NEBL: variants seen among roughly 807,000 people sequenced by gnomAD.
NEBL encodes the protein nebulette.
Under a neutral mutation model 140.2 loss-of-function variants are expected in NEBL, and 122 were observed. The ratio of observed to expected loss-of-function variants is 0.87; its 90% CI spans 0.75 to 1.01. The LOEUF is 1.01. Ranked by LOEUF, NEBL falls within the 50% of genes least tolerant of loss-of-function variation. NEBL has a pLI of 0.00. For synonymous variants in NEBL, 436 were observed against 398.9 expected (o/e 1.09, Z -1.11); for missense variants, 1,365 against 1,231.3 (o/e 1.11, Z -1.62).
intron 2 of NEBL, among the ~76,000 whole-genome samples, chr10:21,133,421 G>A (rs1839207087): frequency 6.6e-6 from 1 of 152,212 alleles, no homozygotes; most frequent in Non-Finnish European, 1.5e-5. Context: ...TCCCCAATCA[G>A]TGTGGGGCAG....
At chr10:20,885,730 G>A (rs766310148) in intron 4 of NEBL, among the ~76,000 whole-genome samples, 53 of 152,034 alleles carry the variant, frequency 3.5e-4, no homozygotes, top group Non-Finnish European at 4.7e-4. Flanking sequence ...CTTTTCTTTC[G>A]TTATTGCTTA....
chr10:21,185,276 G>T (rs1483433497), intron 3 of NEBL, among the ~76,000 whole-genome samples: 2 of 152,102 alleles, frequency 1.3e-5, no homozygotes, highest in Non-Finnish European at 2.9e-5. Flanking sequence ...GAGTGAAAGG[G>T]CATGAAAAGG....
At chr10:20,926,486 C>T (rs1246686454) in intron 4 of NEBL, among the ~76,000 whole-genome samples, 1 of 152,188 alleles carries the variant, frequency 6.6e-6, no homozygotes, top group Non-Finnish European at 1.5e-5. Flanking sequence ...GATGCTCTGC[C>T]TATACCTATA....
At chr10:21,055,576 C>T (rs1027175555) in intron 2 of NEBL, among the ~76,000 whole-genome samples, 4 of 152,146 alleles carry the variant, frequency 2.6e-5, no homozygotes, top group Admixed American at 1.3e-4. Context: ...ACCAGCTATG[C>T]CACTTGGGGA....
intron 16 of NEBL, 82 bp downstream of exon 16, chr10:20,831,114 A>C: frequency 9.9e-7 from 1 of 1,008,920 alleles, no homozygotes; most frequent in Non-Finnish European, 1.6e-6. Context: ...CCTCAGAAAG[A>C]TATCATTCAT....
intron 4 of NEBL, among the ~76,000 whole-genome samples, chr10:20,911,991 T>C (rs1395220372): frequency 6.6e-6 from 1 of 152,194 alleles, no homozygotes; most frequent in Non-Finnish European, 1.5e-5. Context: ...TCATCGCAAA[T>C]GGGGAAATAA....
Position 20,787,250 on chromosome 10 carries a change from G to A in NEBL, c.2820C>T (p.His940=), listed in dbSNP as rs532565487. The A allele has an allele frequency of 2.5e-4, 411 of 1,613,500 alleles. 4 individuals carry two copies. In the South Asian group the frequency reaches 4.3e-3, roughly 17 times the overall value. Residue 940 remains histidine, a synonymous_variant, in exon 27 of 28, where the codon CAC becomes CAT. Transcript: ENST00000377122. ...ATCTCATGGATGACACACTGGTCTG[G>A]TGCATGTAGCCATAGCCTTGGGAAT... The part of the protein sequence containing the change: ...QSHSQGYGYM[H]QTSVSSMRSM...
intron 26 of NEBL, among the ~76,000 whole-genome samples, chr10:20,799,848 C>A (rs1195523018): frequency 6.6e-6 from 1 of 152,032 alleles, no homozygotes; most frequent in Non-Finnish European, 1.5e-5. Context: ...AAGTTTACAA[C>A]ATGATGGTAT....
intron 2 of NEBL, among the ~76,000 whole-genome samples, chr10:21,104,382 T>C (rs1257857419): frequency 1.3e-5 from 2 of 152,116 alleles, no homozygotes; most frequent in African/African-American, 4.8e-5. Context: ...TATCTCCCCA[T>C]TTCACTAGGC....
At chr10:21,257,882 C>T (rs910107814) in intron 1 of NEBL, among the ~76,000 whole-genome samples, 12 of 150,338 alleles carry the variant, frequency 8.0e-5, no homozygotes, top group African/African-American at 3.0e-4. Context: ...GAGACTCCAT[C>T]TCACACACAC....
Position 20,819,523 on chromosome 10 carries a change from G to A in NEBL, c.1963-7C>T. On this transcript the variant is annotated splice_polypyrimidine_tract_variant and splice_region_variant and intron_variant, in intron 19 of 27. Coordinates refer to ENST00000377122, the MANE Select transcript of NEBL (RefSeq NM_006393.3). ...TTTGCTCTTTATACTGGAGCTGAGA[G>A]ACAAGGTGCAAGACAGTTTGAGATT... The A allele has an allele frequency of 6.2e-7, 1 of 1,613,878 alleles. No homozygotes were observed.
At chr10:20,897,498 C>T (rs544494458), upstream of NEBL, 952 of 1,139,038 alleles carry the variant, frequency 8.4e-4, 1 homozygote, top group Middle Eastern at 8.3e-3. Context: ...GTTAAGAAAT[C>T]CAAAAGAAAA....
At chr10:21,017,452 C>A (rs941243672) in intron 3 of NEBL, among the ~76,000 whole-genome samples, 44 of 152,114 alleles carry the variant, frequency 2.9e-4, no homozygotes, top group Non-Finnish European at 4.9e-4. Context: ...TGCTGCTTGG[C>A]GATCCCACAG....
intron 2 of NEBL, among the ~76,000 whole-genome samples, chr10:21,067,883 G>T (rs1054218153): frequency 2.0e-5 from 3 of 152,166 alleles, no homozygotes; most frequent in Non-Finnish European, 2.9e-5. Context: ...GGAGGCTGAG[G>T]CAGGAGGATC....
At chr10:20,803,702 A>T (rs1469465909) in intron 26 of NEBL, among the ~76,000 whole-genome samples, 3 of 151,688 alleles carry the variant, frequency 2.0e-5, no homozygotes, top group Non-Finnish European at 4.4e-5. Context: ...CTTTTTATAG[A>T]GTCAATCAGC....
chr10:21,263,072 A>T (rs1842759352), intron 1 of NEBL, among the ~76,000 whole-genome samples: 1 of 152,220 alleles, frequency 6.6e-6, no homozygotes, highest in Non-Finnish European at 1.5e-5. Context: ...AGGTGCTGTT[A>T]TAGTGACAGT....
chr10:21,111,756 A>C (rs1385740179), intron 2 of NEBL, among the ~76,000 whole-genome samples: 2 of 151,416 alleles, frequency 1.3e-5, no homozygotes, highest in Non-Finnish European at 2.9e-5. Context: ...AATTAAACTA[A>C]AGATCTTCTG....
intron 2 of NEBL, among the ~76,000 whole-genome samples, chr10:21,142,523 A>G (rs1228039576): frequency 1.3e-5 from 2 of 152,212 alleles, no homozygotes; most frequent in Non-Finnish European, 2.9e-5. Flanking sequence ...AAGTTTTCCA[A>G]CAGCGTCAGT....
At chr10:20,941,489 C>T (rs987707352) in intron 4 of NEBL, among the ~76,000 whole-genome samples, 8 of 152,024 alleles carry the variant, frequency 5.3e-5, no homozygotes, top group Non-Finnish European at 8.8e-5. Flanking sequence ...ACCAAATGGG[C>T]AAAAAGTGGA....
Sources: allele counts gnomAD v4.1 joint callset (sites outside exome capture counted in the v4.1 genomes callset), GRCh38; gene constraint gnomAD v4.1.1; transcripts MANE v1.5; gene names NCBI Gene and HGNC (gene_info 2026-07-23, HGNC 2026-07-21).